The following FHOD3 variants were observed in gnomAD, a reference collection of about 807,000 sequenced individuals.
FHOD3 encodes the protein FH1/FH2 domain-containing protein 3.
In FHOD3, 90 loss-of-function variants were observed where a neutral mutation model predicts 173.0. The ratio of observed to expected loss-of-function variants is 0.52; its 90% confidence interval spans 0.44 to 0.62. The LOEUF is 0.62. Ranked by LOEUF, FHOD3 falls within the 20% of genes least tolerant of loss-of-function variation. The pLI is 0.00. For synonymous variants in FHOD3, 828 were observed against 823.0 expected (o/e 1.01, Z -0.10); for missense variants, 1,945 against 2,034.7 (o/e 0.96, Z 0.85).
intron 3 of FHOD3, among the ~76,000 whole-genome samples, chr18:36,485,369 A>G (rs2054141049): frequency 6.6e-6 from 1 of 152,146 alleles, no homozygotes; most frequent in South Asian, 2.1e-4. Flanking sequence ...CTCAGTGTGA[A>G]TTGATGAAGC....
At chr18:36,402,746 G>A (rs2048885509) in intron 3 of FHOD3, among the ~76,000 whole-genome samples, 1 of 152,188 alleles carries the variant, frequency 6.6e-6, no homozygotes, top group African/African-American at 2.4e-5. Context: ...TTTGTGCAGA[G>A]TGGAAAGGAA....
chr18:36,457,193 C>T (rs1015545847), intron 3 of FHOD3, among the ~76,000 whole-genome samples: 2 of 152,142 alleles, frequency 1.3e-5, no homozygotes, highest in Admixed American at 1.3e-4. Context: ...GGATATTTTG[C>T]TGTGTGTTGG....
chr18:36,576,316 C>T, intron 5 of FHOD3, 135 bp from the exon 6 acceptor site: 1 of 532,412 alleles, frequency 1.9e-6, no homozygotes, highest in Non-Finnish European at 3.1e-6. Context: ...TTTCAGAGCT[C>T]AGGAATTCTC....
At chr18:36,664,930 C>T (rs1162780375) in intron 14 of FHOD3, among the ~76,000 whole-genome samples, 2 of 151,914 alleles carry the variant, frequency 1.3e-5, no homozygotes, top group African/African-American at 4.8e-5. Context: ...TGAGACCAGC[C>T]CAGGCAACAA....
intron 17 of FHOD3, 39 bp from the exon 18 acceptor site, chr18:36,709,056 A>G: frequency 6.3e-7 from 1 of 1,589,820 alleles, no homozygotes; most frequent in East Asian, 2.3e-5. Context: ...CTTCCAAGAA[A>G]TCTGTCGTCA....
At chr18:36,646,203 T>G (rs1238236507) in intron 10 of FHOD3, among the ~76,000 whole-genome samples, 1 of 152,152 alleles carries the variant, frequency 6.6e-6, no homozygotes, top group Non-Finnish European at 1.5e-5. Context: ...TTAGAAAAAT[T>G]GCTGGATACA....
intron 20 of FHOD3, among the ~76,000 whole-genome samples, chr18:36,739,334 T>C (rs1421191467): frequency 1.3e-5 from 2 of 152,208 alleles, no homozygotes. Context: ...CTGGGCACAC[T>C]GCCTAGGAGT....
chr18:36,611,945 C>G lies in FHOD3; in HGVS notation c.814-7C>G. On this transcript the variant is annotated splice_polypyrimidine_tract_variant and splice_region_variant and intron_variant, in intron 8 of 28. Coordinates refer to ENST00000590592, the MANE Select transcript of FHOD3 (RefSeq NM_001281740.3). Reference sequence around the variant, plus strand: ...TGTCTCTGTAGCTGGTTCTTCTCTTCTTCCAGACGTTATCAGGACTACCAG... The same window carrying G: ...TGTCTCTGTAGCTGGTTCTTCTCTTGTTCCAGACGTTATCAGGACTACCAG... 6.2e-7 allele frequency: 1 copy of G among 1,612,314 alleles called. No homozygotes were observed. The highest frequency in any genetic ancestry group is 8.5e-7 in the Non-Finnish European group (1 of 1,179,280).
intron 3 of FHOD3, among the ~76,000 whole-genome samples, chr18:36,455,470 C>A (rs2052133544): frequency 6.6e-6 from 1 of 151,926 alleles, no homozygotes; most frequent in South Asian, 2.1e-4. Context: ...TATATTATGG[C>A]AATCTATTAT....
At chr18:36,482,585 G>T (rs1446685505) in intron 3 of FHOD3, among the ~76,000 whole-genome samples, 1 of 152,120 alleles carries the variant, frequency 6.6e-6, no homozygotes, top group Admixed American at 6.5e-5. Flanking sequence ...CTGGCGACAG[G>T]GTTCTACCCT....
At chr18:36,694,678 G>A (rs535067014) in intron 17 of FHOD3, among the ~76,000 whole-genome samples, 8 of 152,302 alleles carry the variant, frequency 5.3e-5, no homozygotes, top group South Asian at 2.1e-4. Context: ...ATCCTGGGAC[G>A]TTTAACTAAA....
intron 24 of FHOD3, among the ~76,000 whole-genome samples, chr18:36,749,695 C>T (rs1348335173): frequency 2.0e-5 from 3 of 152,136 alleles, no homozygotes; most frequent in African/African-American, 7.2e-5. Flanking sequence ...TATATATATA[C>T]CCAGTAATGG....
intron 14 of FHOD3, among the ~76,000 whole-genome samples, chr18:36,679,046 AT>A (rs1026231197): frequency 6.6e-6 from 1 of 151,666 alleles, no homozygotes; most frequent in Non-Finnish European, 1.5e-5. Context: ...ACTTTCGTGG[AT>A]TTTTTTTCAT....
At chr18:36,720,594 A>G (rs1347612188) in intron 19 of FHOD3, among the ~76,000 whole-genome samples, 1 of 152,052 alleles carries the variant, frequency 6.6e-6, no homozygotes, top group Non-Finnish European at 1.5e-5. Context: ...AGCCACGATT[A>G]AGACAGCAGT....
chr18:36,355,878 G>T (rs2046336290), intron 2 of FHOD3, among the ~76,000 whole-genome samples: 1 of 152,140 alleles, frequency 6.6e-6, no homozygotes, highest in Non-Finnish European at 1.5e-5. Flanking sequence ...AACATTTGTG[G>T]TAATCAAGCA....
At chr18:36,467,370 T>G (rs1309095145) in intron 3 of FHOD3, among the ~76,000 whole-genome samples, 1 of 152,182 alleles carries the variant, frequency 6.6e-6, no homozygotes, top group Non-Finnish European at 1.5e-5. Context: ...TGTCCTCTCC[T>G]TCCAACCCTG....
chr18:36,566,172 C>T (rs1356854657), intron 5 of FHOD3, among the ~76,000 whole-genome samples: 2 of 152,150 alleles, frequency 1.3e-5, no homozygotes, highest in Non-Finnish European at 2.9e-5. Flanking sequence ...AGGAAGAGAT[C>T]GTCTTTCAAC....
intron 3 of FHOD3, among the ~76,000 whole-genome samples, chr18:36,471,334 G>A (rs1318363846): frequency 6.6e-6 from 1 of 152,168 alleles, no homozygotes; most frequent in Non-Finnish European, 1.5e-5. Context: ...GAGCCAGCTT[G>A]CATCCTGCTT....
At chr18:36,632,896 G>A (rs1258177259) in intron 10 of FHOD3, among the ~76,000 whole-genome samples, 3 of 152,168 alleles carry the variant, frequency 2.0e-5, no homozygotes, top group African/African-American at 7.2e-5. Context: ...AAATTTTAGA[G>A]CAGGAAAGAA....
Sources: gnomAD v4.1 joint callset for allele counts (sites outside exome capture counted in the v4.1 genomes callset) on GRCh38, gnomAD v4.1.1 for gene constraint, MANE v1.5 for transcripts, NCBI Gene and HGNC (gene_info 2026-07-23, HGNC 2026-07-21) for gene names.